The following KAT2B variants were observed in gnomAD, a reference collection of about 807,000 sequenced individuals.
KAT2B encodes histone acetyltransferase KAT2B.
In KAT2B, 36 loss-of-function variants were observed where a neutral mutation model predicts 105.9. That is an observed-to-expected ratio of 0.34 (90% CI 0.26 to 0.45). KAT2B has a LOEUF of 0.45. KAT2B is among the 20% of genes least tolerant of loss of function. KAT2B has a pLI of 1.00. For synonymous variants in KAT2B, 397 were observed against 377.9 expected, an observed-to-expected ratio of 1.05 and a Z score of -0.59; for missense variants, 820 against 1,021.6, an observed-to-expected ratio of 0.80 and a Z score of 2.69.
At chr3:20,047,606 C>CATT (rs1697836724) in intron 1 of KAT2B, among the ~76,000 whole-genome samples, 1 of 117,874 alleles carries the variant, frequency 8.5e-6, no homozygotes. Flanking sequence ...CCGTGAGTAC[C>CATT]TTTTTTTTTT....
At chr3:20,045,629 A>G (rs1433428997) in intron 1 of KAT2B, among the ~76,000 whole-genome samples, 1 of 152,130 alleles carries the variant, frequency 6.6e-6, no homozygotes, top group East Asian at 1.9e-4. Flanking sequence ...GAGAAACAAA[A>G]CCCATTGACT....
At chr3:20,124,913 T>C (rs1423923741) in intron 9 of KAT2B, among the ~76,000 whole-genome samples, 1 of 152,190 alleles carries the variant, frequency 6.6e-6, no homozygotes, top group African/African-American at 2.4e-5. Flanking sequence ...ACTAGGCAGA[T>C]TAAATAAGAT....
intron 5 of KAT2B, among the ~76,000 whole-genome samples, chr3:20,107,960 C>T (rs1699053252): frequency 6.6e-6 from 1 of 151,788 alleles, no homozygotes; most frequent in South Asian, 2.1e-4. Context: ...AGGCGCCTGC[C>T]ACCATGCCTG....
intron 1 of KAT2B, among the ~76,000 whole-genome samples, chr3:20,060,136 A>C (rs1321709625): frequency 6.6e-6 from 1 of 152,216 alleles, no homozygotes; most frequent in Non-Finnish European, 1.5e-5. Flanking sequence ...TAACTAGTTG[A>C]TGGGCATTTA....
intron 3 of KAT2B, 126 bp downstream of exon 3, chr3:20,095,534 A>G: frequency 1.7e-6 from 1 of 602,758 alleles, no homozygotes; most frequent in Non-Finnish European, 2.9e-6. Flanking sequence ...TTTGCTGAAC[A>G]ATACGTTTCT....
rs761735374 is a variant in KAT2B, at chr3:20,144,276, C to CTTTTTT, written c.2005-2015_2005-2010dup. On this transcript the variant is annotated intron_variant, in intron 13 of 17. Coordinates refer to ENST00000263754, the MANE Select transcript of KAT2B (RefSeq NM_003884.5). The stretch of plus-strand genomic sequence containing the variant: ...GATTTAAGAGATTGCCCTTGGGATT[C>CTTTTTT]TTTTTTTTTTTTTTTTTTTTTTTTT... Among the ~76,000 whole-genome samples, 12 of 89,390 alleles carry CTTTTTT rather than the reference C, an allele frequency of 1.3e-4. 1 individual carries two copies. The highest frequency in any genetic ancestry group is 2.4e-4 in the Non-Finnish European group (11 of 45,844). 58.6% of individuals were successfully genotyped at this position (89,390 alleles called of 152,430 possible).
rs936782253 is a variant in KAT2B at position 20,114,983 on chromosome 3, A to T, written c.1145A>T (p.Gln382Leu). The T allele has an allele frequency of 5.6e-6, 9 of 1,602,640 alleles. No individual in the cohort carries two copies. The highest frequency in any genetic ancestry group is 7.7e-6 in the Non-Finnish European group (9 of 1,169,922). ...TCCAGAACCAGCCAGCTAGGCATCC[A>T]AACAGGTAAGTTTCCTTTTACATGA... is the stretch of plus-strand genomic sequence containing the variant. The part of the protein sequence containing the change: ...ASSRTSQLGI[Q>L]TVINPPPVAG... Residue 382 changes from glutamine (Q) to leucine (L), a missense_variant, in exon 7 of 18, where the codon CAA becomes CTA. Gln to Leu is a moderately radical substitution (Grantham distance 113). Around this residue, in one of 6 missense-constraint regions of KAT2B, gnomAD observed 225 missense variants for 268.1 expected, o/e 0.84. Transcript: ENST00000263754.
In KAT2B at chr3:20,136,817, A is replaced by G. The variant is rs150927279; in HGVS notation, c.1750-125A>G. ...AGGGTGTTAATATATTTCATTCAGG[A>G]AAGGTCCTGGTTGGTAAAATATGTA... On this transcript the variant is annotated intron_variant, in intron 11 of 17. Transcript: ENST00000263754. 8.0e-5 allele frequency: 38 copies of G among 476,460 alleles called. No homozygotes were observed. In the East Asian group the frequency reaches 1.2e-3, roughly 15 times the overall value. The allele number at this position is 476,460 out of a possible 1,614,324, so 29.5% of individuals were successfully genotyped here.
In KAT2B at chr3:20,062,695, C is replaced by G. The variant is rs1258168630; in HGVS notation, c.304-9638C>G. On this transcript the variant is annotated intron_variant, in intron 1 of 17. Coordinates refer to ENST00000263754, the MANE Select transcript of KAT2B (RefSeq NM_003884.5). ...CAGACTGGTCTTGCATTCCTGAGCT[C>G]AGGTGATCCACCTGCCTCAGCCTCT... 2.0e-5 allele frequency among the ~76,000 whole-genome samples: 3 copies of G among 151,952 alleles called. No homozygotes were observed. The East Asian group carries it at 5.8e-4, about 29-fold the overall frequency.
chr3:20,140,209 C>T lies in KAT2B; in HGVS notation c.1861-12C>T. The T allele has an allele frequency of 1.9e-6, 3 of 1,557,646 alleles. No homozygotes were observed. The highest frequency in any genetic ancestry group is 2.7e-6 in the Non-Finnish European group (3 of 1,129,290). On this transcript the variant is annotated splice_polypyrimidine_tract_variant and intron_variant, in intron 12 of 17. Transcript: ENST00000263754. ...TATGGTGTTCATATGAATGAATTTACTTGCTTTTCAGGGTTTCTCCAAAGA... is the reference window on the plus strand; with the variant it reads ...TATGGTGTTCATATGAATGAATTTATTTGCTTTTCAGGGTTTCTCCAAAGA...
chr3:20,098,820 C>G (rs542958440), intron 3 of KAT2B, among the ~76,000 whole-genome samples: 112 of 152,208 alleles, frequency 7.4e-4, no homozygotes, highest in African/African-American at 2.7e-3. Context: ...GCCCCATACT[C>G]ATAATTTGTA....
intron 11 of KAT2B, among the ~76,000 whole-genome samples, chr3:20,129,075 A>G (rs928363346): frequency 6.6e-6 from 1 of 151,556 alleles, no homozygotes; most frequent in African/African-American, 2.4e-5. Flanking sequence ...AAAGATTAGC[A>G]GCTCCGGATG....
At chr3:20,136,332 T>C (rs1172793076) in intron 11 of KAT2B, among the ~76,000 whole-genome samples, 1 of 152,214 alleles carries the variant, frequency 6.6e-6, no homozygotes, top group Non-Finnish European at 1.5e-5. Context: ...CATTGTTGAC[T>C]ACCTTTAGTT....
At chr3:20,052,353 A>G (rs1489394406) in intron 1 of KAT2B, among the ~76,000 whole-genome samples, 2 of 152,232 alleles carry the variant, frequency 1.3e-5, no homozygotes, top group African/African-American at 4.8e-5. Flanking sequence ...ATTTGGGTTC[A>G]TGGAGCCCAT....
At chr3:20,100,439 C>T (rs910839891) in intron 4 of KAT2B, among the ~76,000 whole-genome samples, 4 of 152,178 alleles carry the variant, frequency 2.6e-5, no homozygotes, top group Admixed American at 6.5e-5. Context: ...GGAAAGAAGC[C>T]GTTTTACTCA....
intron 1 of KAT2B, among the ~76,000 whole-genome samples, chr3:20,060,290 G>GA (rs34080581): frequency 6.6e-6 from 1 of 152,052 alleles, no homozygotes; most frequent in Non-Finnish European, 1.5e-5. Context: ...TTAACTTTTT[G>GA]AAAAAATTGT....
Position 20,140,352 on chromosome 3 carries a change from A to G in KAT2B, c.1992A>G (p.Lys664=). Residue 664 remains lysine (K), a synonymous_variant, in exon 13 of 18, where the codon AAA becomes AAG. Transcript: ENST00000263754. ...IPYTEFSVII[K]KQKEIIKKLI... ...ACACAGAATTTTCTGTCATCATTAA[A>G]AAGCAGAAGGAGGTAAGCAGGTGGT... The G allele has an allele frequency of 1.2e-6, 2 of 1,613,856 alleles. No individual in the cohort carries two copies. The highest frequency in any genetic ancestry group is 1.7e-6 in the Non-Finnish European group (2 of 1,179,992).
intron 1 of KAT2B, among the ~76,000 whole-genome samples, chr3:20,061,375 CTT>C (rs1364899676): frequency 6.6e-6 from 1 of 152,134 alleles, no homozygotes; most frequent in African/African-American, 2.4e-5. Flanking sequence ...TTATTCATCT[CTT>C]AAGGGATGCT....
intron 1 of KAT2B, 44 bp downstream of exon 1, chr3:20,040,824 C>A: frequency 1.3e-6 from 2 of 1,531,576 alleles, no homozygotes; most frequent in South Asian, 1.2e-5. Flanking sequence ...TGCTAGGGGC[C>A]CAGCCCGCGG....
Sources: gnomAD v4.1 joint callset for allele counts (sites outside exome capture counted in the v4.1 genomes callset) on GRCh38, gnomAD v4.1.1 for gene constraint, gnomAD v4.1.1 regional missense constraint, MANE v1.5 for transcripts, NCBI Gene and HGNC (gene_info 2026-07-23, HGNC 2026-07-21) for gene names.